Variants in ADAM9 observed in about 807,000 individuals in gnomAD.
The protein encoded by ADAM9 is disintegrin and metalloproteinase domain-containing protein 9.
A neutral mutation model predicts 108.1 loss-of-function variants in ADAM9; 54 were observed. That is an observed-to-expected ratio of 0.50 (90% CI 0.40 to 0.63). The LOEUF (loss-of-function observed/expected upper bound fraction) is 0.63. Ranked by LOEUF, ADAM9 falls within the 20% of genes least tolerant of loss-of-function variation. The pLI is 0.00. For synonymous variants in ADAM9, 316 were observed against 336.0 expected (o/e 0.94, Z 0.65); for missense variants, 830 against 997.7 (o/e 0.83, Z 2.26).
intron 11 of ADAM9, among the ~76,000 whole-genome samples, chr8:39,035,976 C>T (rs1837260759): frequency 6.6e-6 from 1 of 151,942 alleles, no homozygotes; most frequent in Non-Finnish European, 1.5e-5. Context: ...ATATTTCCTA[C>T]CCTCTACTTC....
intron 15 of ADAM9, among the ~76,000 whole-genome samples, chr8:39,071,707 C>A (rs1001741001): frequency 6.6e-6 from 1 of 152,094 alleles, no homozygotes; most frequent in African/African-American, 2.4e-5. Flanking sequence ...CTTCGTGATC[C>A]GCTCGCCTCA....
At chr8:39,073,147 G>T (rs1424890792) in intron 15 of ADAM9, among the ~76,000 whole-genome samples, 1 of 152,176 alleles carries the variant, frequency 6.6e-6, no homozygotes, top group Non-Finnish European at 1.5e-5. Context: ...AGTATATTCT[G>T]CAGTTGTTAG....
intron 2 of ADAM9, among the ~76,000 whole-genome samples, chr8:39,010,650 T>C (rs1836325659): frequency 6.6e-6 from 1 of 152,216 alleles, no homozygotes; most frequent in Non-Finnish European, 1.5e-5. Flanking sequence ...GCTAATGACA[T>C]GGTGAATTGC....
Position 39,025,905 on chromosome 8 carries a change from A to G in ADAM9, c.996+21A>G, listed in dbSNP as rs1242966147. ...ATGTGGTACGTTGTTCTTGATGTTT[A>G]ACTTTGGATGTTTGCACTGGGACAA... On this transcript the variant is annotated intron_variant, in intron 10 of 21. Coordinates refer to ENST00000487273, the MANE Select transcript of ADAM9 (RefSeq NM_003816.3). 1.9e-6 allele frequency: 3 copies of G among 1,609,536 alleles called. No homozygotes were observed. In the South Asian group the frequency reaches 3.3e-5, roughly 18 times the overall value.
intron 9 of ADAM9, among the ~76,000 whole-genome samples, chr8:39,025,494 G>T (rs570702099): frequency 6.6e-6 from 1 of 152,154 alleles, no homozygotes; most frequent in Non-Finnish European, 1.5e-5. Context: ...ACTAAAATGT[G>T]TATTTTAATA....
chr8:39,088,255 T>C (rs905508896), intron 18 of ADAM9, among the ~76,000 whole-genome samples: 1 of 146,992 alleles, frequency 6.8e-6, no homozygotes, highest in African/African-American at 2.5e-5. Flanking sequence ...TATTGTTTCA[T>C]ATAGTTTTAT....
chr8:39,000,915 T>C (rs1835973097), intron 1 of ADAM9, among the ~76,000 whole-genome samples: 1 of 152,216 alleles, frequency 6.6e-6, no homozygotes, highest in African/African-American at 2.4e-5. Context: ...GAAAATGATA[T>C]CACCCCCAGA....
intron 14 of ADAM9, among the ~76,000 whole-genome samples, chr8:39,057,469 G>T (rs1401195996): frequency 6.9e-6 from 1 of 144,018 alleles, no homozygotes; most frequent in Non-Finnish European, 1.5e-5. Flanking sequence ...CTGCGTAATA[G>T]CATGAGCCCA....
At chr8:39,045,095 TGTGTGTGTGCATACATAC>T (rs1200276625) in intron 12 of ADAM9, among the ~76,000 whole-genome samples, 1 of 25,332 alleles carries the variant, frequency 3.9e-5, no homozygotes, top group Non-Finnish European at 7.5e-5. Context: ...TACATACATA[TGTGTGTGTGCATACATAC>T]ATATGTGTGT....
chr8:39,032,806 G>C (rs573712172), intron 11 of ADAM9, among the ~76,000 whole-genome samples: 3 of 152,226 alleles, frequency 2.0e-5, no homozygotes, highest in Admixed American at 6.5e-5. Flanking sequence ...TCTTGGAATG[G>C]CCACACGGTC....
chr8:39,068,994 A>G lies in ADAM9; in HGVS notation c.1592-2304A>G, dbSNP rs192634555. On this transcript the variant is annotated intron_variant, in intron 14 of 21. Transcript: ENST00000487273. ...GCCAAACTGCTTCTTAAGCAGATTT[A>G]AAATTTTTCCTCTTTATTCCTGCCA... is the stretch of plus-strand genomic sequence containing the variant. Among the ~76,000 whole-genome samples the G allele has an allele frequency of 8.3e-4, 127 of 152,304 alleles. 1 individual carries two copies. The highest frequency in any genetic ancestry group is 2.9e-3 in the African/African-American group (122 of 41,570).
chr8:39,023,661 A>ATC (rs1836820709), intron 9 of ADAM9, among the ~76,000 whole-genome samples: 1 of 150,672 alleles, frequency 6.6e-6, no homozygotes, highest in African/African-American at 2.4e-5. Flanking sequence ...TTGAAAAATT[A>ATC]TCTCAATTTG....
At chr8:39,102,332 G>A (rs1006288284) in intron 21 of ADAM9, among the ~76,000 whole-genome samples, 11 of 152,198 alleles carry the variant, frequency 7.2e-5, no homozygotes, top group African/African-American at 2.7e-4. Context: ...AATTGTGGGG[G>A]TAAGGTCAGG....
intron 7 of ADAM9, among the ~76,000 whole-genome samples, chr8:39,020,490 C>T (rs1836701497): frequency 1.3e-5 from 2 of 151,860 alleles, no homozygotes; most frequent in Non-Finnish European, 2.9e-5. Context: ...AATCATAAAT[C>T]CTTTTAAAAT....
Position 39,105,210 on chromosome 8 carries a change from A to G in ADAM9, c.*1510A>G, listed in dbSNP as rs1320132139. Reference sequence around the variant, plus strand: ...AAAATTTCAGTTTTCTGAAGACAGCATGTTATTTTAACAATCAAGTATACA... The same window carrying G: ...AAAATTTCAGTTTTCTGAAGACAGCGTGTTATTTTAACAATCAAGTATACA... On this transcript the variant is annotated 3_prime_UTR_variant, in exon 22 of 22. Coordinates refer to ENST00000487273, the MANE Select transcript of ADAM9 (RefSeq NM_003816.3). 2.3e-6 allele frequency: 1 copy of G among 442,176 alleles called. No homozygotes were observed. Among genetic ancestry groups the G allele is most frequent in the African/African-American group, 2.0e-5 (1 of 49,466 alleles). The allele number at this position is 442,176 out of a possible 1,614,324, so 27.4% of individuals were successfully genotyped here. A position where few individuals can be genotyped will look rare whatever the true frequency, so the allele number is the denominator to read the frequency against.
At chr8:39,002,788 G>C (rs1302016321) in intron 1 of ADAM9, among the ~76,000 whole-genome samples, 2 of 152,152 alleles carry the variant, frequency 1.3e-5, no homozygotes, top group African/African-American at 4.8e-5. Flanking sequence ...GATTAGACAT[G>C]TTAAGTTTCA....
At chr8:39,018,773 G>A (rs1836633048) in intron 6 of ADAM9, 80 bp from the exon 7 acceptor site, 4 of 1,206,954 alleles carry the variant, frequency 3.3e-6, no homozygotes, top group Non-Finnish European at 4.9e-6. Flanking sequence ...TAGCAGACAT[G>A]AAATAAGTGA....
intron 6 of ADAM9, 39 bp downstream of exon 6, chr8:39,017,453 A>G (rs943873420): frequency 6.3e-6 from 10 of 1,587,712 alleles, no homozygotes; most frequent in Non-Finnish European, 8.6e-6. Context: ...TCAGACTACC[A>G]TTTTAGAAAA....
At chr8:39,098,450 A>G (rs13250555) in intron 20 of ADAM9, among the ~76,000 whole-genome samples, 31,162 of 152,018 alleles carry the variant, frequency 0.2, 3,407 homozygotes, top group South Asian at 0.31. Flanking sequence ...GGTATTTCCA[A>G]TATTCTTGTG....
Sources: gnomAD v4.1 joint callset for allele counts (sites outside exome capture counted in the v4.1 genomes callset) on GRCh38, gnomAD v4.1.1 for gene constraint, MANE v1.5 for transcripts, NCBI Gene and HGNC (gene_info 2026-07-23, HGNC 2026-07-21) for gene names.